Variants in ZDHHC11B observed in about 807,000 individuals in gnomAD.
ZDHHC11B encodes the protein probable palmitoyltransferase ZDHHC11B.
ZDHHC11B carries 17 observed loss-of-function variants against 42.3 expected under a neutral mutation model. The ratio of observed to expected loss-of-function variants is 0.40; its 90% CI spans 0.27 to 0.60. The LOEUF is 0.60. Among genes scored for constraint, ZDHHC11B ranks in the 20% least tolerant of loss-of-function variants. The pLI, the probability that ZDHHC11B is intolerant of heterozygous loss-of-function variation, is 0.41. For synonymous variants in ZDHHC11B, 123 were observed against 193.5 expected, an observed-to-expected ratio of 0.64 and a Z score of 3.02; for missense variants, 262 against 463.2, an observed-to-expected ratio of 0.57 and a Z score of 3.99.
At chr5:760,232 T>C (rs915679472) in intron 4 of ZDHHC11B, among the ~76,000 whole-genome samples, 1 of 151,598 alleles carries the variant, frequency 6.6e-6, no homozygotes, top group Non-Finnish European at 1.5e-5. Context: ...CCCACATAGG[T>C]CCAAGCCCTA....
rs375797377 is a variant in ZDHHC11B at position 744,096 on chromosome 5, C to T, written c.900+1087G>A. Reference sequence around the variant, plus strand: ...ATTGATTGGCATGATTGCGTGGTTACCGTTCTCTATTGGACTAAGGTGCTG... The same window carrying T: ...ATTGATTGGCATGATTGCGTGGTTATCGTTCTCTATTGGACTAAGGTGCTG... On this transcript the variant is annotated intron_variant, in intron 9 of 13. Transcript: ENST00000508859. Among the ~76,000 whole-genome samples, 112 of 149,944 alleles carry T rather than the reference C, an allele frequency of 7.5e-4. 7 individuals carry two copies. Among genetic ancestry groups the T allele is most frequent in the African/African-American group, 2.6e-3 (106 of 40,838 alleles).
chr5:763,102 G>A (rs1384260583), intron 4 of ZDHHC11B, among the ~76,000 whole-genome samples: 8 of 151,894 alleles, frequency 5.3e-5, no homozygotes, highest in African/African-American at 1.9e-4. Context: ...AGGCGCGGTG[G>A]CTCACGCCTA....
At chr5:783,904 G>T (rs1297347589) in intron 1 of ZDHHC11B, among the ~76,000 whole-genome samples, 1 of 146,656 alleles carries the variant, frequency 6.8e-6, no homozygotes, top group African/African-American at 2.5e-5. Flanking sequence ...TATCAAAACA[G>T]CAGCCCCGCC....
At chr5:766,275 CTT>C (rs1735347471) in intron 4 of ZDHHC11B, among the ~76,000 whole-genome samples, 1 of 147,632 alleles carries the variant, frequency 6.8e-6, no homozygotes, top group Non-Finnish European at 1.5e-5. Context: ...GCTTCCCCCT[CTT>C]TGGGAGACGG....
rs531759671 is a variant in ZDHHC11B at position 765,322 on chromosome 5, C to CT, written c.222+1375dup. 1.2e-4 allele frequency among the ~76,000 whole-genome samples: 18 copies of CT among 149,966 alleles called. No individual in the cohort carries two copies. The East Asian group carries it at 3.1e-3, about 26-fold the overall frequency. ...CTAATCTGGTGGGGACTTGGAGAAT[C>CT]TTTATGTCTAGCTAAGGGATTGTAA... is the stretch of plus-strand genomic sequence containing the variant. On this transcript the variant is annotated intron_variant, in intron 4 of 13. Transcript: ENST00000508859.
chr5:728,088 T>C (rs1193414637), intron 12 of ZDHHC11B, among the ~76,000 whole-genome samples: 1 of 151,570 alleles, frequency 6.6e-6, no homozygotes, highest in Non-Finnish European at 1.5e-5. Context: ...CAACTCCATT[T>C]AAAAGTGTGC....
At chr5:712,666 T>C (rs1285299206) in intron 13 of ZDHHC11B, among the ~76,000 whole-genome samples, 2 of 150,436 alleles carry the variant, frequency 1.3e-5, no homozygotes, top group Admixed American at 6.6e-5. Flanking sequence ...TCCCAGCACT[T>C]TGGGAGTCCG....
At chr5:777,885 G>A (rs1339635116) in intron 1 of ZDHHC11B, among the ~76,000 whole-genome samples, 3 of 151,456 alleles carry the variant, frequency 2.0e-5, no homozygotes, top group Non-Finnish European at 4.4e-5. Flanking sequence ...CTTCCGGGAG[G>A]CCCCAGCACC....
chr5:780,248 CAA>C (rs1488771919), intron 1 of ZDHHC11B, among the ~76,000 whole-genome samples: 2 of 150,954 alleles, frequency 1.3e-5, no homozygotes, highest in Non-Finnish European at 2.9e-5. Flanking sequence ...CAGATTGACC[CAA>C]GAGACTCATG....
At position 757,086 on chromosome 5, in the gene ZDHHC11B, C is replaced by T. The variant is rs377380897; in HGVS notation, c.223-942G>A. 8.0e-4 allele frequency among the ~76,000 whole-genome samples: 122 copies of T among 151,944 alleles called. 2 individuals are homozygous for T. Among genetic ancestry groups the T allele is most frequent in the African/African-American group, 2.8e-3 (117 of 41,424 alleles). ...TCAGATACTGGCTCCCTCCTCCTCT[C>T]ACCCTGGGACAAACACAGACTCCCC... On this transcript the variant is annotated intron_variant, in intron 4 of 13. Transcript: ENST00000508859.
At chr5:775,292 C>G (rs1736381737) in intron 1 of ZDHHC11B, among the ~76,000 whole-genome samples, 1 of 151,942 alleles carries the variant, frequency 6.6e-6, no homozygotes, top group East Asian at 1.9e-4. Flanking sequence ...AGCTCGCTCC[C>G]AGGCAGGTGC....
At chr5:779,059 A>T (rs1238836960) in intron 1 of ZDHHC11B, among the ~76,000 whole-genome samples, 2 of 151,210 alleles carry the variant, frequency 1.3e-5, no homozygotes, top group Admixed American at 6.6e-5. Context: ...AGCCTCCAGA[A>T]CTGTGAGAAG....
chr5:760,990 T>C (rs1399771051), intron 4 of ZDHHC11B, among the ~76,000 whole-genome samples: 2 of 151,732 alleles, frequency 1.3e-5, no homozygotes, highest in African/African-American at 4.8e-5. Context: ...GATGCTGTGG[T>C]CAAGGAGATA....
intron 4 of ZDHHC11B, among the ~76,000 whole-genome samples, chr5:762,067 C>T (rs1404986977): frequency 6.7e-6 from 1 of 149,588 alleles, no homozygotes; most frequent in East Asian, 2.0e-4. Flanking sequence ...ACTTGCAGCC[C>T]AGACAGCCAC....
chr5:717,292 A>G (rs1252254742), intron 12 of ZDHHC11B, among the ~76,000 whole-genome samples: 1 of 151,054 alleles, frequency 6.6e-6, no homozygotes, highest in African/African-American at 2.5e-5. Context: ...TTTTATACCC[A>G]CATCTTGAGT....
intron 2 of ZDHHC11B, among the ~76,000 whole-genome samples, chr5:767,809 C>T (rs1254316406): frequency 2.0e-5 from 1 of 50,852 alleles, no homozygotes; most frequent in African/African-American, 6.3e-5. Flanking sequence ...TGTGTGGAAA[C>T]GTGGGCAGAG....
chr5:721,915 T>A (rs551008421), intron 12 of ZDHHC11B, among the ~76,000 whole-genome samples: 1 of 151,778 alleles, frequency 6.6e-6, no homozygotes, highest in Non-Finnish European at 1.5e-5. Context: ...AGAAATAGAC[T>A]CAAATATGTG....
At chr5:732,631 C>T (rs1470172654) in intron 11 of ZDHHC11B, 2 of 451,178 alleles carry the variant, frequency 4.4e-6, no homozygotes, top group Non-Finnish European at 8.9e-6. Context: ...GGAGCCTGTT[C>T]CCTGAAATCC....
At chr5:733,503 T>C (rs1202485302) in intron 11 of ZDHHC11B, among the ~76,000 whole-genome samples, 1 of 151,804 alleles carries the variant, frequency 6.6e-6, no homozygotes, top group African/African-American at 2.4e-5. Flanking sequence ...TTCTTGGTGG[T>C]GCTCCAGTGC....
Sources: gnomAD v4.1 joint callset for allele counts (sites outside exome capture counted in the v4.1 genomes callset) on GRCh38, gnomAD v4.1.1 for gene constraint, MANE v1.5 for transcripts, NCBI Gene and HGNC (gene_info 2026-07-23, HGNC 2026-07-21) for gene names.